The following RGS22 variants were observed in gnomAD, a reference collection of about 807,000 sequenced individuals.
RGS22 encodes regulator of G protein signaling 22, also known as regulator of G-protein signaling 22.
In RGS22, 148 loss-of-function variants were observed where a neutral mutation model predicts 172.9. The observed-to-expected ratio is 0.86, with a 90% CI of 0.75 to 0.98. The LOEUF is 0.98. Ranked by LOEUF, RGS22 falls within the 50% of genes least tolerant of loss-of-function variation. The pLI, the probability that RGS22 is intolerant of heterozygous loss-of-function variation, is 0.00. For missense variants in RGS22, 1,347 were observed against 1,440.8 expected, an observed-to-expected ratio of 0.93 and a Z score of 1.05; for synonymous variants, 458 against 480.2, an observed-to-expected ratio of 0.95 and a Z score of 0.60.
intron 4 of RGS22, among the ~76,000 whole-genome samples, chr8:100,075,146 T>C (rs1811260005): frequency 6.6e-6 from 1 of 152,120 alleles, no homozygotes; most frequent in African/African-American, 2.4e-5. Flanking sequence ...TGGGCAGTGA[T>C]ATGGTATGGA....
At chr8:100,050,439 A>G (rs1821158839) in intron 10 of RGS22, among the ~76,000 whole-genome samples, 1 of 152,206 alleles carries the variant, frequency 6.6e-6, no homozygotes, top group South Asian at 2.1e-4. Context: ...GGGTTAAACT[A>G]CAGACAGGGT....
chr8:100,083,942 C>T (rs969465338), intron 3 of RGS22, among the ~76,000 whole-genome samples: 6 of 151,328 alleles, frequency 4.0e-5, no homozygotes, highest in Non-Finnish European at 8.9e-5. Context: ...CTCCGCCTCC[C>T]GAGTTCAAGG....
chr8:100,001,673 C>A (rs1224241585), intron 18 of RGS22, among the ~76,000 whole-genome samples: 2 of 152,062 alleles, frequency 1.3e-5, no homozygotes, highest in Non-Finnish European at 2.9e-5. Flanking sequence ...GGGGAAAATA[C>A]AATTGTAAGG....
intron 23 of RGS22, among the ~76,000 whole-genome samples, chr8:99,969,041 C>T (rs559167946): frequency 3.9e-5 from 6 of 152,264 alleles, no homozygotes; most frequent in South Asian, 4.1e-4. Flanking sequence ...GCGGATCTCT[C>T]GGCAGAAACC....
In RGS22 at chr8:100,094,462, A is replaced by G. The variant is rs184877272; in HGVS notation, c.55-953T>C. Among the ~76,000 whole-genome samples, 269 of 152,324 alleles carry G rather than the reference A, an allele frequency of 1.8e-3. 1 individual carries two copies. Among genetic ancestry groups the G allele is most frequent in the African/African-American group, 6.3e-3 (262 of 41,582 alleles). ...TATAGCATATTGCACCTACTTTGGA[A>G]AGTGGATTTTCAGGGTAATTTCTTT... On this transcript the variant is annotated intron_variant, in intron 2 of 27. Coordinates refer to ENST00000360863, the MANE Select transcript of RGS22 (RefSeq NM_015668.5).
chr8:99,978,636 A>G (rs1382289672), intron 22 of RGS22, among the ~76,000 whole-genome samples: 1 of 152,234 alleles, frequency 6.6e-6, no homozygotes, highest in Non-Finnish European at 1.5e-5. Context: ...TAACATTTAA[A>G]AAGCAGAACG....
intron 9 of RGS22, among the ~76,000 whole-genome samples, chr8:100,060,456 T>C (rs1282985731): frequency 2.5e-5 from 3 of 120,898 alleles, no homozygotes; most frequent in Non-Finnish European, 5.6e-5. Context: ...CCCAACTTTA[T>C]GAAATACCAA....
intron 2 of RGS22, among the ~76,000 whole-genome samples, chr8:100,102,656 G>T (rs1262796319): frequency 1.3e-5 from 2 of 152,200 alleles, no homozygotes; most frequent in Non-Finnish European, 2.9e-5. Flanking sequence ...GCTGGGCCTT[G>T]AAGAATGTGC....
In RGS22 at chr8:100,063,488, C is replaced by T. The variant is rs1810302729; in HGVS notation, c.1280G>A (p.Gly427Glu). 6.2e-7 allele frequency: 1 copy of T among 1,613,480 alleles called. No individual in the cohort carries two copies. The highest frequency in any genetic ancestry group is 1.3e-5 in the African/African-American group (1 of 75,048). The change falls in exon 8 of 28, where the codon GGA becomes GAA. Residue 427 changes from glycine (G) to glutamate (E), a missense_variant. Gly to Glu is a moderately conservative substitution (Grantham distance 98). Transcript: ENST00000360863. ...RFKKFIKGTL[G>E]ERYWWLWMDI... Reference sequence around the variant, plus strand: ...CATCCATAGCCACCAATATCTCTCTCCCAATGTACCTTTTATAAATTTCTT... The same window carrying T: ...CATCCATAGCCACCAATATCTCTCTTCCAATGTACCTTTTATAAATTTCTT...
intron 22 of RGS22, among the ~76,000 whole-genome samples, chr8:99,980,619 A>G (rs549329820): frequency 6.6e-6 from 1 of 152,282 alleles, no homozygotes; most frequent in African/African-American, 2.4e-5. Context: ...AATAAAGATT[A>G]TTTATTTTCA....
intron 9 of RGS22, among the ~76,000 whole-genome samples, chr8:100,060,415 TATATATAC>T (rs201474147): frequency 0.023 from 3,165 of 136,242 alleles, 131 homozygotes; most frequent in South Asian, 0.037. Flanking sequence ...TATATATATA[TATATATAC>T]ACACACACAC....
Position 100,086,663 on chromosome 8 carries a change from T to C in RGS22, c.118-6308A>G, listed in dbSNP as rs548079216. Among the ~76,000 whole-genome samples the C allele has an allele frequency of 3.9e-5, 6 of 152,074 alleles. No homozygotes were observed. In the South Asian group the frequency reaches 1.2e-3, roughly 32 times the overall value. ...TCCTAAGGCTCAGCATGACGCAATATACCCAGGTAACAAACCTGCACATGT... is the reference window on the plus strand; with the variant it reads ...TCCTAAGGCTCAGCATGACGCAATACACCCAGGTAACAAACCTGCACATGT... On this transcript the variant is annotated intron_variant, in intron 3 of 27. Coordinates refer to ENST00000360863, the MANE Select transcript of RGS22 (RefSeq NM_015668.5).
At chr8:100,031,080 G>C (rs1456693866) in intron 14 of RGS22, among the ~76,000 whole-genome samples, 4 of 152,062 alleles carry the variant, frequency 2.6e-5, no homozygotes, top group Non-Finnish European at 5.9e-5. Flanking sequence ...TGTCAAAACT[G>C]TAAGGGTAAA....
intron 2 of RGS22, 131 bp downstream of exon 2, chr8:100,105,243 A>C (rs2132083622): frequency 1.4e-6 from 1 of 713,530 alleles, no homozygotes; most frequent in East Asian, 2.5e-5. Flanking sequence ...GTACACAGTT[A>C]TTACAATTGT....
intron 9 of RGS22, among the ~76,000 whole-genome samples, chr8:100,053,439 A>G (rs1821902797): frequency 1.2e-5 from 1 of 81,880 alleles, no homozygotes; most frequent in Non-Finnish European, 2.3e-5. Context: ...GGAGGAAGGA[A>G]GGAAGGAAGG....
At chr8:100,104,354 G>A (rs1165830935) in intron 2 of RGS22, among the ~76,000 whole-genome samples, 3 of 146,026 alleles carry the variant, frequency 2.1e-5, no homozygotes, top group African/African-American at 8.2e-5. Context: ...GTGTGTGTGT[G>A]TGTGTGTATT....
intron 2 of RGS22, among the ~76,000 whole-genome samples, chr8:100,102,649 G>T (rs975926461): frequency 6.6e-6 from 1 of 152,182 alleles, no homozygotes; most frequent in African/African-American, 2.4e-5. Context: ...GAGATTAGCT[G>T]GGCCTTGAAG....
chr8:100,021,282 C>T (rs1817577674), intron 14 of RGS22, among the ~76,000 whole-genome samples: 1 of 152,104 alleles, frequency 6.6e-6, no homozygotes, highest in African/African-American at 2.4e-5. Flanking sequence ...AGTAAAGGCC[C>T]TGTTAATAGT....
chr8:100,009,538 T>G (rs375288911), intron 14 of RGS22, among the ~76,000 whole-genome samples: 2 of 152,116 alleles, frequency 1.3e-5, no homozygotes, highest in African/African-American at 4.8e-5. Context: ...ATAATAGTTA[T>G]GTATATCTGA....
Sources: allele counts gnomAD v4.1 joint callset (sites outside exome capture counted in the v4.1 genomes callset), GRCh38; gene constraint gnomAD v4.1.1; transcripts MANE v1.5; gene names NCBI Gene and HGNC (gene_info 2026-07-23, HGNC 2026-07-21).